The following PPP1R12A variants were observed in gnomAD, a reference collection of about 807,000 sequenced individuals.
The protein encoded by PPP1R12A is protein phosphatase 1 regulatory subunit 12A, also known as myosin binding subunit.
Under a neutral mutation model 139.6 loss-of-function variants are expected in PPP1R12A, and 19 were observed. The ratio of observed to expected loss-of-function variants is 0.14; its 90% CI spans 0.09 to 0.20. The LOEUF is 0.20. PPP1R12A is among the 10% of genes least tolerant of loss of function. The probability of loss-of-function intolerance (pLI) is 1.00; values close to 1 mark genes in which losing one functional copy is unlikely to be tolerated. For missense variants in PPP1R12A, 925 were observed against 1,211.5 expected, an observed-to-expected ratio of 0.76 and a Z score of 3.51; for synonymous variants, 427 against 420.6, an observed-to-expected ratio of 1.02 and a Z score of -0.19.
intron 1 of PPP1R12A, among the ~76,000 whole-genome samples, chr12:79,893,994 T>C (rs537780117): frequency 2.0e-5 from 3 of 152,138 alleles, no homozygotes; most frequent in South Asian, 4.1e-4. Flanking sequence ...TAGCAGGAGT[T>C]CCATGGCAGA....
chr12:79,789,660 T>G (rs1323682205), intron 20 of PPP1R12A: 1 of 454,300 alleles, frequency 2.2e-6, no homozygotes, highest in East Asian at 7.0e-5. Flanking sequence ...TAGACAGAAA[T>G]TTATTACTGG....
intron 22 of PPP1R12A, among the ~76,000 whole-genome samples, chr12:79,784,415 T>G (rs991422564): frequency 1.3e-5 from 2 of 152,170 alleles, no homozygotes; most frequent in Non-Finnish European, 2.9e-5. Flanking sequence ...TCCAGTGACC[T>G]ATGAAATGGT....
chr12:79,889,957 C>T (rs557269884), intron 1 of PPP1R12A, among the ~76,000 whole-genome samples: 1 of 152,190 alleles, frequency 6.6e-6, no homozygotes, highest in South Asian at 2.1e-4. Flanking sequence ...GGGTTCTGCC[C>T]TCATGACCTA....
intron 1 of PPP1R12A, among the ~76,000 whole-genome samples, chr12:79,930,202 G>A (rs1196813299): frequency 1.3e-5 from 2 of 152,122 alleles, no homozygotes; most frequent in African/African-American, 2.4e-5. Flanking sequence ...ACGAGGGAGA[G>A]AGGATAAAAG....
intron 2 of PPP1R12A, among the ~76,000 whole-genome samples, chr12:79,858,762 A>T (rs762889176): frequency 3.9e-5 from 6 of 152,186 alleles, no homozygotes; most frequent in Non-Finnish European, 5.9e-5. Context: ...TAGTCTGTTC[A>T]AAGGCTCAAC....
chr12:79,854,875 G>A (rs1194160494), intron 2 of PPP1R12A, among the ~76,000 whole-genome samples: 1 of 151,972 alleles, frequency 6.6e-6, no homozygotes, highest in Non-Finnish European at 1.5e-5. Flanking sequence ...GGGTAGCTAT[G>A]TTGCTGAAGC....
At chr12:79,835,567 ACTG>A (rs1877974922) in intron 3 of PPP1R12A, among the ~76,000 whole-genome samples, 1 of 152,124 alleles carries the variant, frequency 6.6e-6, no homozygotes, top group African/African-American at 2.4e-5. Context: ...CACTTTGACT[ACTG>A]CTACCAGCCC....
At chr12:79,899,255 TA>T (rs1885420020) in intron 1 of PPP1R12A, among the ~76,000 whole-genome samples, 2 of 2,214 alleles carry the variant, frequency 9.0e-4, no homozygotes, top group Non-Finnish European at 2.3e-3. Context: ...TATATATATA[TA>T]TATATATATA....
At chr12:79,777,302 A>T in intron 24 of PPP1R12A, 1 of 978,816 alleles carries the variant, frequency 1.0e-6, no homozygotes, top group Non-Finnish European at 1.2e-6. Flanking sequence ...TCTTTAACTT[A>T]AATTCCAAAA....
At chr12:79,813,918 T>A (rs1874918300) in intron 9 of PPP1R12A, among the ~76,000 whole-genome samples, 1 of 152,206 alleles carries the variant, frequency 6.6e-6, no homozygotes. Flanking sequence ...GTTTATGTAC[T>A]GGGGTAGGAA....
chr12:79,814,856 A>G (rs1875136225), intron 9 of PPP1R12A, among the ~76,000 whole-genome samples: 1 of 151,070 alleles, frequency 6.6e-6, no homozygotes, highest in South Asian at 2.1e-4. Flanking sequence ...AAATTTTTAC[A>G]CATGATCGTT....
intron 2 of PPP1R12A, among the ~76,000 whole-genome samples, chr12:79,859,550 C>G (rs1044126307): frequency 2.0e-5 from 3 of 151,944 alleles, no homozygotes; most frequent in Non-Finnish European, 2.9e-5. Context: ...AAAGTTATAT[C>G]CTTAAATAGC....
intron 12 of PPP1R12A, chr12:79,807,006 T>C (rs1414544370): frequency 4.2e-5 from 14 of 329,636 alleles, no homozygotes; most frequent in South Asian, 2.4e-4. Context: ...CCAAAAAACA[T>C]TTCATAATAT....
At chr12:79,880,231 G>C (rs987313760) in intron 1 of PPP1R12A, among the ~76,000 whole-genome samples, 5 of 152,096 alleles carry the variant, frequency 3.3e-5, no homozygotes, top group African/African-American at 1.2e-4. Context: ...AAATATCACG[G>C]AGGACATAAA....
At chr12:79,921,589 C>T (rs1887444160) in intron 1 of PPP1R12A, among the ~76,000 whole-genome samples, 1 of 152,158 alleles carries the variant, frequency 6.6e-6, no homozygotes, top group African/African-American at 2.4e-5. Context: ...CTCTACTCTA[C>T]CACTTATTTA....
chr12:79,788,604 TA>T, intron 21 of PPP1R12A, 43 bp downstream of exon 21: 1 of 1,514,052 alleles, frequency 6.6e-7, no homozygotes, highest in Non-Finnish European at 8.9e-7. Context: ...TATCTCAACA[TA>T]AAAGATAACT....
At position 79,786,478 on chromosome 12, in the gene PPP1R12A, G is replaced by A. The variant is rs1173163056; in HGVS notation, c.2803C>T (p.Leu935Phe). ...TTTTCAGCTAGAATTTGTTCATAAA[G>A]CTATAAAAATTAGGGTAAAAGAACA... is the stretch of plus-strand genomic sequence containing the variant. ...EKDDSTDFKK[L>F]YEQILAENEK... Residue 935 changes from leucine (L) to phenylalanine (F), a missense_variant and splice_region_variant, in exon 22 of 25, where the codon CTT becomes TTT. Leu to Phe is a conservative substitution (Grantham distance 22). Transcript: ENST00000450142. The A allele has an allele frequency of 6.6e-7, 1 of 1,526,358 alleles. No homozygotes were observed. The allele number at this position is 1,526,358 out of a possible 1,614,324, so 94.6% of individuals were successfully genotyped here. A position where few individuals can be genotyped will look rare whatever the true frequency, so the allele number is the denominator to read the frequency against.
intron 1 of PPP1R12A, among the ~76,000 whole-genome samples, chr12:79,905,266 AAATT>A (rs957397011): frequency 6.6e-6 from 1 of 151,878 alleles, no homozygotes; most frequent in Non-Finnish European, 1.5e-5. Flanking sequence ...GCTTAACAAC[AAATT>A]AATTTAGAGC....
chr12:79,789,013 T>C (rs1871466808), intron 20 of PPP1R12A, among the ~76,000 whole-genome samples: 1 of 152,180 alleles, frequency 6.6e-6, no homozygotes, highest in African/African-American at 2.4e-5. Context: ...CTCAGGTCAC[T>C]GCAGACTCGA....
Sources: allele counts gnomAD v4.1 joint callset (sites outside exome capture counted in the v4.1 genomes callset), GRCh38; gene constraint gnomAD v4.1.1; transcripts MANE v1.5; gene names NCBI Gene and HGNC (gene_info 2026-07-23, HGNC 2026-07-21).